Variants in MTMR2 observed in about 807,000 individuals in gnomAD.
MTMR2 encodes the protein myotubularin related protein 2.
MTMR2 carries 55 observed loss-of-function variants against 86.9 expected under a neutral mutation model. The observed-to-expected ratio is 0.63, with a 90% confidence interval of 0.51 to 0.79. MTMR2 has a LOEUF of 0.79. MTMR2 is among the 30% of genes least tolerant of loss of function. The pLI is 0.00. For synonymous variants in MTMR2, 241 were observed against 266.8 expected, an observed-to-expected ratio of 0.90 and a Z score of 0.94; for missense variants, 659 against 772.3, an observed-to-expected ratio of 0.85 and a Z score of 1.74.
chr11:95,917,145 T>C (rs1420801077), intron 1 of MTMR2, among the ~76,000 whole-genome samples: 1 of 152,192 alleles, frequency 6.6e-6, no homozygotes, highest in Non-Finnish European at 1.5e-5. Flanking sequence ...TCCTTGACTA[T>C]CACCTCTAAT....
At chr11:95,862,126 T>C (rs749198977) in intron 4 of MTMR2, 24 bp from the exon 5 acceptor site, 2 of 1,570,844 alleles carry the variant, frequency 1.3e-6, no homozygotes, top group Non-Finnish European at 1.7e-6. Flanking sequence ...GAAAAAATAA[T>C]TAAAACTGAG....
In MTMR2 at chr11:95,834,679, C is replaced by CT. The variant is rs1863175276; in HGVS notation, c.*610dup. 6.5e-6 allele frequency: 1 copy of CT among 154,592 alleles called. No homozygotes were observed. Among genetic ancestry groups the CT allele is most frequent in the Admixed American group, 6.3e-5 (1 of 15,760 alleles). 9.6% of individuals were successfully genotyped at this position (154,592 alleles called of 1,614,324 possible). A position where few individuals can be genotyped will look rare whatever the true frequency, so the allele number is the denominator to read the frequency against. On this transcript the variant is annotated 3_prime_UTR_variant, in exon 15 of 15. Coordinates refer to ENST00000346299, the MANE Select transcript of MTMR2 (RefSeq NM_016156.6). ...ATTTTGGATCAACTTGCTAATATGT[C>CT]TTAAGTATGTAAATAATGACGGCAA...
At chr11:95,858,446 A>C in intron 6 of MTMR2, 85 bp downstream of exon 6, 4 of 871,342 alleles carry the variant, frequency 4.6e-6, no homozygotes, top group South Asian at 1.3e-5. Context: ...ATGTAAATGT[A>C]GAGATTCTAG....
intron 2 of MTMR2, among the ~76,000 whole-genome samples, chr11:95,867,925 T>A (rs187631715): frequency 1.3e-5 from 2 of 151,708 alleles, no homozygotes; most frequent in African/African-American, 4.8e-5. Flanking sequence ...AAAGCATGTA[T>A]AAGGTACTTG....
At chr11:95,845,245 T>C in intron 10 of MTMR2, 86 bp from the exon 11 acceptor site, 2 of 1,118,228 alleles carry the variant, frequency 1.8e-6, no homozygotes, top group South Asian at 1.3e-5. Context: ...TTATCAGGGA[T>C]CATTATTTCA....
At chr11:95,915,772 T>C (rs746101498) in intron 1 of MTMR2, among the ~76,000 whole-genome samples, 12 of 152,166 alleles carry the variant, frequency 7.9e-5, no homozygotes, top group Non-Finnish European at 7.4e-5. Flanking sequence ...AAATTGGAAG[T>C]AAGCAGAGTA....
At chr11:95,862,235 C>T (rs376231827) in intron 4 of MTMR2, 37 bp downstream of exon 4, 12 of 1,558,030 alleles carry the variant, frequency 7.7e-6, no homozygotes, top group Middle Eastern at 1.7e-4. Flanking sequence ...ACAAACAACA[C>T]ACTCATGTAC....
chr11:95,837,853 A>G (rs1192135544), intron 13 of MTMR2, among the ~76,000 whole-genome samples: 1 of 152,076 alleles, frequency 6.6e-6, no homozygotes, highest in Non-Finnish European at 1.5e-5. Context: ...TCTCTTTAGC[A>G]GAAACCACTT....
intron 7 of MTMR2, among the ~76,000 whole-genome samples, chr11:95,855,964 G>A (rs907920465): frequency 4.0e-5 from 6 of 151,834 alleles, no homozygotes; most frequent in Non-Finnish European, 8.8e-5. Context: ...AAAAAGCAGT[G>A]GACTGTATAC....
intron 11 of MTMR2, 33 bp from the exon 12 acceptor site, chr11:95,841,742 G>C: frequency 6.8e-7 from 1 of 1,460,402 alleles, no homozygotes; most frequent in South Asian, 1.1e-5. Flanking sequence ...TATGAACTTA[G>C]GGGGATTTTT....
intron 5 of MTMR2, among the ~76,000 whole-genome samples, chr11:95,861,402 G>GTGGTTA (rs1555064756): frequency 7.1e-6 from 1 of 140,978 alleles, no homozygotes; most frequent in East Asian, 2.0e-4. Flanking sequence ...ATTAAAGATG[G>GTGGTTA]TTATTATTAT....
In MTMR2 at chr11:95,858,450, A is replaced by C. The variant is rs1040620293; in HGVS notation, c.570+81T>G. On this transcript the variant is annotated intron_variant, in intron 6 of 14. Coordinates refer to ENST00000346299, the MANE Select transcript of MTMR2 (RefSeq NM_016156.6). Reference sequence around the variant, plus strand: ...TCAAAGCAGGGATGTAAATGTAGAGATTCTAGACAGCCTAGACAAGTTTCT... The same window carrying C: ...TCAAAGCAGGGATGTAAATGTAGAGCTTCTAGACAGCCTAGACAAGTTTCT... 3 of 914,418 alleles carry C rather than the reference A, an allele frequency of 3.3e-6. No individual in the cohort carries two copies. The African/African-American group carries it at 4.9e-5, about 15-fold the overall frequency. The allele number at this position is 914,418 out of a possible 1,614,324, so 56.6% of individuals were successfully genotyped here. A position where few individuals can be genotyped will look rare whatever the true frequency, so the allele number is the denominator to read the frequency against.
intron 2 of MTMR2, among the ~76,000 whole-genome samples, chr11:95,885,883 A>C (rs1246032255): frequency 6.6e-6 from 1 of 152,156 alleles, no homozygotes; most frequent in Non-Finnish European, 1.5e-5. Context: ...GTTGATAGTA[A>C]GTACTCTTAA....
chr11:95,918,242 G>A (rs1866782104), intron 1 of MTMR2, among the ~76,000 whole-genome samples: 1 of 152,178 alleles, frequency 6.6e-6, no homozygotes, highest in Admixed American at 6.5e-5. Context: ...GGATCACCTG[G>A]AAAGCTTGCT....
At chr11:95,872,447 T>A (rs1027901904) in intron 2 of MTMR2, among the ~76,000 whole-genome samples, 1 of 152,214 alleles carries the variant, frequency 6.6e-6, no homozygotes, top group Non-Finnish European at 1.5e-5. Context: ...TGCTTGTGAT[T>A]TTTGCATATT....
At chr11:95,896,902 TA>T (rs777931000) in intron 1 of MTMR2, among the ~76,000 whole-genome samples, 3,510 of 129,820 alleles carry the variant, frequency 0.027, 46 homozygotes, top group Middle Eastern at 0.05. Context: ...TGACAATCTT[TA>T]AAAAAAAAAA....
intron 11 of MTMR2, among the ~76,000 whole-genome samples, chr11:95,842,591 C>T (rs1156533710): frequency 6.6e-6 from 1 of 152,208 alleles, no homozygotes. Flanking sequence ...CAGAATCCTG[C>T]TCCTTACCCC....
chr11:95,915,851 A>G (rs2135629554), intron 1 of MTMR2, among the ~76,000 whole-genome samples: 1 of 152,300 alleles, frequency 6.6e-6, no homozygotes, highest in South Asian at 2.1e-4. Context: ...GAAATACAAT[A>G]TAGCACGGCA....
At chr11:95,855,739 C>T (rs776579489) in intron 7 of MTMR2, among the ~76,000 whole-genome samples, 1 of 152,202 alleles carries the variant, frequency 6.6e-6, no homozygotes, top group South Asian at 2.1e-4. Flanking sequence ...TTACAGTTTA[C>T]AAAGTGCCTT....
Sources: gnomAD v4.1 joint callset for allele counts (sites outside exome capture counted in the v4.1 genomes callset) on GRCh38, gnomAD v4.1.1 for gene constraint, MANE v1.5 for transcripts, NCBI Gene and HGNC (gene_info 2026-07-23, HGNC 2026-07-21) for gene names.